The following GRIP2 variants were observed in gnomAD, a reference collection of about 807,000 sequenced individuals.
GRIP2 encodes the protein glutamate receptor interacting protein 2, also known as glutamate receptor-interacting protein 2.
A neutral mutation model predicts 108.3 loss-of-function variants in GRIP2; 58 were observed. That is an observed-to-expected ratio of 0.54 (90% CI 0.43 to 0.67). The LOEUF is 0.67. Among genes scored for constraint, GRIP2 ranks in the 30% least tolerant of loss-of-function variants. The pLI is 0.00. For synonymous variants in GRIP2, 586 were observed against 598.2 expected, an observed-to-expected ratio of 0.98 and a Z score of 0.30; for missense variants, 1,278 against 1,430.6, an observed-to-expected ratio of 0.89 and a Z score of 1.72.
rs1006368396 is a variant in GRIP2 at position 14,522,023 on chromosome 3, G to A, written c.567-236C>T. On this transcript the variant is annotated intron_variant, in intron 6 of 23. Coordinates refer to ENST00000621039, the MANE Select transcript of GRIP2 (RefSeq NM_001080423.4). The surrounding 1 kb of genome is among the most constrained non-coding windows in gnomAD (Gnocchi z 4.3). ...GAAGACAGGATGGGGTGGCTCTGCC[G>A]CCTGCCACTCCTCTGGGTGTGCAGT... 57 of 524,734 alleles carry A rather than the reference G, an allele frequency of 1.1e-4. No individual in the cohort carries two copies. Among genetic ancestry groups the A allele is most frequent in the Admixed American group, 6.0e-4 (16 of 26,674 alleles). 32.5% of individuals were successfully genotyped at this position (524,734 alleles called of 1,614,324 possible).
the GRIP2 span, among the ~76,000 whole-genome samples, chr3:14,578,590 A>G: frequency 6.6e-6 from 1 of 151,976 alleles, no homozygotes; most frequent in Non-Finnish European, 1.5e-5. Flanking sequence ...GGTGGCAGGG[A>G]CCTGTAATCC....
chr3:14,589,433 G>C, the GRIP2 span, among the ~76,000 whole-genome samples: 1 of 152,126 alleles, frequency 6.6e-6, no homozygotes, highest in Non-Finnish European at 1.5e-5. Flanking sequence ...ACTAGCAGAT[G>C]GAAGACAGGG....
At chr3:14,561,865 T>C in the GRIP2 span, among the ~76,000 whole-genome samples, 1 of 152,162 alleles carries the variant, frequency 6.6e-6, no homozygotes, top group African/African-American at 2.4e-5. Context: ...TTATCCAGGC[T>C]GGGGGAGGGA....
chr3:14,515,985 C>T (rs1431162754), intron 11 of GRIP2, among the ~76,000 whole-genome samples: 1 of 151,854 alleles, frequency 6.6e-6, no homozygotes, highest in Admixed American at 6.6e-5. Flanking sequence ...AGTACTATGC[C>T]CCATAATTAA....
chr3:14,598,873 T>C, the GRIP2 span, among the ~76,000 whole-genome samples: 1 of 152,164 alleles, frequency 6.6e-6, no homozygotes, highest in Non-Finnish European at 1.5e-5. Flanking sequence ...CTGCCTTGCT[T>C]TTCCTTCTGC....
intron 17 of GRIP2, among the ~76,000 whole-genome samples, chr3:14,508,053 T>TG (rs1164450947): frequency 6.6e-6 from 1 of 152,164 alleles, no homozygotes; most frequent in Non-Finnish European, 1.5e-5. Flanking sequence ...ATCTGTAAAA[T>TG]GGGGGTGATA....
At chr3:14,579,064 C>T in the GRIP2 span, among the ~76,000 whole-genome samples, 8 of 152,172 alleles carry the variant, frequency 5.3e-5, no homozygotes, top group Non-Finnish European at 1.0e-4. Context: ...AGAACCCACA[C>T]AAATGCCCAC....
the GRIP2 span, among the ~76,000 whole-genome samples, chr3:14,598,058 C>A: frequency 6.6e-6 from 1 of 152,286 alleles, no homozygotes; most frequent in South Asian, 2.1e-4. Flanking sequence ...CTCCAGATGC[C>A]GCTTTGTTCA....
At chr3:14,520,955 AC>A in intron 7 of GRIP2, 1 of 205,358 alleles carries the variant, frequency 4.9e-6, no homozygotes, top group South Asian at 8.8e-5. Flanking sequence ...GCCCTCGCCC[AC>A]CCATGTCTAA....
chr3:14,526,637 G>A (rs1052562395), intron 1 of GRIP2, among the ~76,000 whole-genome samples: 10 of 152,116 alleles, frequency 6.6e-5, no homozygotes, highest in African/African-American at 1.4e-4. Flanking sequence ...CTTAATAGAT[G>A]TACTTTAGGA....
chr3:14,513,699 G>A lies in GRIP2; in HGVS notation c.1605C>T (p.His535=). ...CGAACTCCACCTCCAGCACGACCTTGTGGGCCAGTGCGGCGTCCCGCAGGA... is the reference window on the plus strand; with the variant it reads ...CGAACTCCACCTCCAGCACGACCTTATGGGCCAGTGCGGCGTCCCGCAGGA... ...NQLLRDAALA[H]KVVLEVEFDV... is the part of the protein sequence containing the mutation. Residue 535 remains histidine, a synonymous_variant, in exon 13 of 24, where the codon CAC becomes CAT. Transcript: ENST00000621039. 6.2e-7 allele frequency: 1 copy of A among 1,610,582 alleles called. No homozygotes were observed. The highest frequency in any genetic ancestry group is 8.5e-7 in the Non-Finnish European group (1 of 1,178,660).
At chr3:14,573,737 C>G in the GRIP2 span, 1 of 1,470,968 alleles carries the variant, frequency 6.8e-7, no homozygotes. Context: ...GGGGGTCCTC[C>G]CAAGAGGGCT....
intron 1 of GRIP2, among the ~76,000 whole-genome samples, chr3:14,533,500 G>T (rs1056577717): frequency 1.3e-5 from 2 of 152,226 alleles, no homozygotes; most frequent in Non-Finnish European, 2.9e-5. Flanking sequence ...TGGAATCCCA[G>T]AGTGGATGTG....
the GRIP2 span, among the ~76,000 whole-genome samples, chr3:14,599,611 T>C: frequency 2.5e-3 from 375 of 150,816 alleles, 1 homozygote; most frequent in African/African-American, 8.8e-3. Context: ...CTGGAAGCAT[T>C]TGCTGCAATA....
the GRIP2 span, chr3:14,574,643 C>A: frequency 1.5e-6 from 1 of 665,760 alleles, no homozygotes; most frequent in Middle Eastern, 2.7e-4. Context: ...ATGTGTCCAT[C>A]TCATCAGGGA....
At position 14,509,941 on chromosome 3, in the gene GRIP2, C is replaced by T. The variant is rs746354259; in HGVS notation, c.1957G>A (p.Val653Ile). 12 of 1,533,386 alleles carry T rather than the reference C, an allele frequency of 7.8e-6. No homozygotes were observed. The highest frequency in any genetic ancestry group is 5.1e-5 in the South Asian group (4 of 77,954). The allele number at this position is 1,533,386 out of a possible 1,614,324, so 95.0% of individuals were successfully genotyped here. Residue 653 changes from valine (V) to isoleucine (I), a missense_variant, in exon 17 of 24, where the codon GTC becomes ATC. By Grantham distance (29) the Val-to-Ile change is conservative. Coordinates refer to ENST00000621039, the MANE Select transcript of GRIP2 (RefSeq NM_001080423.4). Reference protein sequence around the residue: ...NSDELETTGAVSYTVELKRYG... With the variant: ...NSDELETTGAISYTVELKRYG... ...CGCTTCAGCTCCACTGTGTAACTGACGGCACCTGTGGTCTCCAGCTCATCT... is the reference window on the plus strand; with the variant it reads ...CGCTTCAGCTCCACTGTGTAACTGATGGCACCTGTGGTCTCCAGCTCATCT...
chr3:14,546,465 G>A (rs572376652), upstream of GRIP2, among the ~76,000 whole-genome samples: 130 of 152,188 alleles, frequency 8.5e-4, 1 homozygote, highest in Middle Eastern at 3.4e-3. Flanking sequence ...CTTGAGAGGC[G>A]GGAGATCTGG....
chr3:14,514,589 G>A, intron 11 of GRIP2, 111 bp from the exon 12 acceptor site: 1 of 1,140,164 alleles, frequency 8.8e-7, no homozygotes, highest in Non-Finnish European at 1.2e-6. Flanking sequence ...CAAGGAAGTG[G>A]GAGCCCTGAC....
chr3:14,525,130 G>A (rs902488784), intron 3 of GRIP2, among the ~76,000 whole-genome samples: 1 of 152,220 alleles, frequency 6.6e-6, no homozygotes, highest in Non-Finnish European at 1.5e-5. Context: ...GTGCCAGGAG[G>A]ATGCTGTGGG....
Sources: allele counts gnomAD v4.1 joint callset (sites outside exome capture counted in the v4.1 genomes callset), GRCh38; gene constraint gnomAD v4.1.1; non-coding constraint Gnocchi (gnomAD v3.1); transcripts MANE v1.5; gene names NCBI Gene and HGNC (gene_info 2026-07-23, HGNC 2026-07-21).